P2RY6: variants seen among roughly 807,000 people sequenced by gnomAD.
P2RY6 encodes the protein pyrimidinergic receptor P2Y6.
Under a neutral mutation model 16.3 loss-of-function variants are expected in P2RY6, and 19 were observed. The ratio of observed to expected loss-of-function variants is 1.16; its 90% CI spans 0.81 to 1.71. P2RY6 has a LOEUF of 1.71. P2RY6 is among the 40% of genes most tolerant of loss of function. The probability of loss-of-function intolerance (pLI) is 0.00; values close to 1 mark genes in which losing one functional copy is unlikely to be tolerated. For synonymous variants in P2RY6, 184 were observed against 201.5 expected, an observed-to-expected ratio of 0.91 and a Z score of 0.74; for missense variants, 389 against 455.5, an observed-to-expected ratio of 0.85 and a Z score of 1.33.
chr11:73,269,102 G>A (rs117267386), upstream of P2RY6, among the ~76,000 whole-genome samples: 399 of 152,352 alleles, frequency 2.6e-3, 1 homozygote, highest in Middle Eastern at 6.8e-3. Flanking sequence ...GGGGTAGGAC[G>A]TGAAGGTCAG....
chr11:73,296,980 C>A lies in P2RY6; in HGVS notation c.462C>A (p.Ala154=). 1.9e-6 allele frequency: 3 copies of A among 1,601,994 alleles called. No individual in the cohort carries two copies. The highest frequency in any genetic ancestry group is 2.5e-6 in the Non-Finnish European group (3 of 1,179,942). The part of the protein sequence containing the change: ...AWLVCVAVWL[A]VTTQCLPTAI... ...TAGTGTGTGTAGCCGTGTGGCTGGC[C>A]GTGACAACCCAGTGCCTGCCCACAG... The change falls in exon 3 of 3, where the codon GCC becomes GCA. Residue 154 remains alanine (A), a synonymous_variant. Transcript: ENST00000540124.
At chr11:73,288,997 T>C (rs1045944195) in intron 1 of P2RY6, among the ~76,000 whole-genome samples, 1 of 152,198 alleles carries the variant, frequency 6.6e-6, no homozygotes, top group Non-Finnish European at 1.5e-5. Context: ...TCTGAGCTGG[T>C]TCCTGCCTCA....
intron 1 of P2RY6, among the ~76,000 whole-genome samples, chr11:73,286,201 G>A (rs748625820): frequency 6.6e-6 from 1 of 152,160 alleles, no homozygotes; most frequent in Non-Finnish European, 1.5e-5. Context: ...GCCTGTCATT[G>A]ACCCCTGGGT....
upstream of P2RY6, chr11:73,271,828 G>C (rs1359784830): frequency 6.6e-6 from 1 of 152,094 alleles, no homozygotes; most frequent in Admixed American, 6.5e-5. Flanking sequence ...TCATCCCTGG[G>C]TGGGAGTTGT....
chr11:73,284,831 A>C (rs1304941766), intron 1 of P2RY6, among the ~76,000 whole-genome samples: 4 of 152,360 alleles, frequency 2.6e-5, no homozygotes, highest in East Asian at 1.9e-4. Context: ...TGAAAAAAAA[A>C]CACGAAAACC....
At chr11:73,274,676 G>A (rs973653742) in intron 1 of P2RY6, among the ~76,000 whole-genome samples, 21 of 152,196 alleles carry the variant, frequency 1.4e-4, no homozygotes, top group African/African-American at 4.6e-4. Context: ...GTGGGAGCTG[G>A]GACTATAATT....
Position 73,297,381 on chromosome 11 carries a change from C to A in P2RY6, c.863C>A (p.Pro288Gln). ...AFAAAYKGTR[P>Q]FASANSVLDP... is the part of the protein sequence containing the mutation. ...GCAGCGGCCTACAAAGGCACGCGGC[C>A]GTTTGCCAGTGCCAACAGCGTGCTG... The change falls in exon 3 of 3, where the codon CCG becomes CAG. Residue 288 changes from proline (P) to glutamine (Q), a missense_variant. Transcript: ENST00000540124. 1 of 1,612,270 alleles carries A rather than the reference C, an allele frequency of 6.2e-7. No individual in the cohort carries two copies. Among genetic ancestry groups the A allele is most frequent in the South Asian group, 1.1e-5 (1 of 91,084 alleles).
upstream of P2RY6, among the ~76,000 whole-genome samples, chr11:73,271,072 A>G (rs1312096228): frequency 6.6e-6 from 1 of 152,198 alleles, no homozygotes; most frequent in Non-Finnish European, 1.5e-5. Flanking sequence ...TGCGTTGAAC[A>G]TTACCCGAAC....
intron 1 of P2RY6, among the ~76,000 whole-genome samples, chr11:73,282,894 G>A (rs964369032): frequency 3.3e-5 from 5 of 152,178 alleles, no homozygotes. Flanking sequence ...CTGTGCACCA[G>A]GTATTGGGCT....
intron 1 of P2RY6, among the ~76,000 whole-genome samples, chr11:73,278,450 C>G: frequency 6.6e-6 from 1 of 152,210 alleles, no homozygotes; most frequent in East Asian, 1.9e-4. Context: ...AGGCATGAGC[C>G]ACCGTGCCCA....
intron 1 of P2RY6, among the ~76,000 whole-genome samples, chr11:73,282,265 C>T (rs1863795939): frequency 6.6e-6 from 1 of 152,216 alleles, no homozygotes; most frequent in African/African-American, 2.4e-5. Context: ...ACAACCAATT[C>T]ATCCTCCAAC....
chr11:73,278,015 C>A (rs1273069717), intron 1 of P2RY6, among the ~76,000 whole-genome samples: 1 of 152,062 alleles, frequency 6.6e-6, no homozygotes, highest in Non-Finnish European at 1.5e-5. Flanking sequence ...TTTTGTTTGT[C>A]TTTTATTATG....
In P2RY6 at chr11:73,296,535, G is replaced by C; in HGVS notation, c.17G>C (p.Gly6Ala). The part of the protein sequence containing the change: MEWDN[G>A]TGQALGLPPT... ...TGGGCAGCCATGGAATGGGACAATG[G>C]CACAGGCCAGGCTCTGGGCTTGCCA... The change falls in exon 3 of 3, where the codon GGC becomes GCC. Residue 6 changes from glycine (G) to alanine (A), a missense_variant. Coordinates refer to ENST00000540124, the MANE Select transcript of P2RY6 (RefSeq NM_001277204.2). 1 of 1,613,946 alleles carries C rather than the reference G, an allele frequency of 6.2e-7. No homozygotes were observed. The highest frequency in any genetic ancestry group is 8.5e-7 in the Non-Finnish European group (1 of 1,179,874).
intron 1 of P2RY6, among the ~76,000 whole-genome samples, chr11:73,291,464 C>A (rs1377109608): frequency 6.6e-6 from 1 of 152,216 alleles, no homozygotes; most frequent in Non-Finnish European, 1.5e-5. Flanking sequence ...GGCCACAGCA[C>A]AGGTCAAATC....
intron 1 of P2RY6, among the ~76,000 whole-genome samples, chr11:73,284,734 C>G (rs955523205): frequency 6.6e-6 from 1 of 152,162 alleles, no homozygotes; most frequent in Non-Finnish European, 1.5e-5. Context: ...AATTGAACCA[C>G]GTCTGGAATT....
In P2RY6 at chr11:73,283,370, A is replaced by G. The variant is rs536625383; in HGVS notation, c.-121+10904A>G. Reference sequence around the variant, plus strand: ...ATCATCCCAACCAGTCACCTCCCTAATCCCCTGCTACACAGATGTCCTGGA... The same window carrying G: ...ATCATCCCAACCAGTCACCTCCCTAGTCCCCTGCTACACAGATGTCCTGGA... On this transcript the variant is annotated intron_variant, in intron 1 of 2. Coordinates refer to ENST00000540124, the MANE Select transcript of P2RY6 (RefSeq NM_001277204.2). Among the ~76,000 whole-genome samples, 159 of 152,108 alleles carry G rather than the reference A, an allele frequency of 1.0e-3. 1 individual carries two copies. The highest frequency in any genetic ancestry group is 6.9e-4 in the Non-Finnish European group (47 of 67,976).
In P2RY6 at chr11:73,283,958, G is replaced by C. The variant is rs141489963; in HGVS notation, c.-121+11492G>C. On this transcript the variant is annotated intron_variant, in intron 1 of 2. Coordinates refer to ENST00000540124, the MANE Select transcript of P2RY6 (RefSeq NM_001277204.2). ...GGCAGGAGGTGGTACCTGGAGTCCC[G>C]CGGGGCTGTGGATGGGTGAGGAGAG... Among the ~76,000 whole-genome samples, 8 of 152,196 alleles carry C rather than the reference G, an allele frequency of 5.3e-5. No individual in the cohort carries two copies. In the South Asian group the frequency reaches 1.7e-3, roughly 32 times the overall value.
intron 1 of P2RY6, among the ~76,000 whole-genome samples, chr11:73,288,775 G>T (rs1864070003): frequency 6.6e-6 from 1 of 152,206 alleles, no homozygotes; most frequent in Non-Finnish European, 1.5e-5. Flanking sequence ...CTCAGAGAGG[G>T]TAGGTGGCTC....
chr11:73,286,431 A>G (rs1166956002), intron 1 of P2RY6, among the ~76,000 whole-genome samples: 1 of 152,044 alleles, frequency 6.6e-6, no homozygotes, highest in Non-Finnish European at 1.5e-5. Context: ...CATAACCCAC[A>G]ATAACCACTT....
Sources: allele counts gnomAD v4.1 joint callset (sites outside exome capture counted in the v4.1 genomes callset), GRCh38; gene constraint gnomAD v4.1.1; transcripts MANE v1.5; gene names NCBI Gene and HGNC (gene_info 2026-07-23, HGNC 2026-07-21).